LMX1A: variants seen among roughly 807,000 people sequenced by gnomAD.
LMX1A encodes LIM homeobox transcription factor 1-alpha.
In LMX1A, 15 loss-of-function variants were observed where a neutral mutation model predicts 49.1. The ratio of observed to expected loss-of-function variants is 0.31; its 90% CI spans 0.20 to 0.47. LMX1A has a LOEUF of 0.47. Ranked by LOEUF, LMX1A falls within the 20% of genes least tolerant of loss-of-function variation. The pLI is 1.00. For missense variants in LMX1A, 372 were observed against 475.8 expected, an observed-to-expected ratio of 0.78 and a Z score of 2.03; for synonymous variants, 167 against 185.7, an observed-to-expected ratio of 0.90 and a Z score of 0.82.
chr1:165,206,153 G>A, intron 7 of LMX1A, 119 bp from the exon 8 acceptor site: 1 of 904,256 alleles, frequency 1.1e-6, no homozygotes, highest in Non-Finnish European at 1.6e-6. Flanking sequence ...AGTGGTCCCA[G>A]CCTTTGTCCT....
chr1:165,225,889 C>A (rs1467673767), intron 4 of LMX1A, among the ~76,000 whole-genome samples: 1 of 152,246 alleles, frequency 6.6e-6, no homozygotes, highest in East Asian at 1.9e-4. Flanking sequence ...TGGGTAAGAG[C>A]TTCTGAAGAG....
At chr1:165,232,141 A>T (rs989654797) in intron 4 of LMX1A, among the ~76,000 whole-genome samples, 2 of 152,198 alleles carry the variant, frequency 1.3e-5, no homozygotes, top group African/African-American at 2.4e-5. Flanking sequence ...CAGAGCAGGG[A>T]AGGCTGCGGA....
intron 3 of LMX1A, among the ~76,000 whole-genome samples, chr1:165,346,902 T>C (rs1199458239): frequency 5.3e-5 from 8 of 152,206 alleles, no homozygotes; most frequent in East Asian, 1.9e-4. Flanking sequence ...TGGTTAAAAA[T>C]ATAGACAGAT....
At chr1:165,238,721 C>G (rs907224611) in intron 4 of LMX1A, among the ~76,000 whole-genome samples, 7 of 152,200 alleles carry the variant, frequency 4.6e-5, no homozygotes, top group Non-Finnish European at 8.8e-5. Context: ...ACTGCCATAG[C>G]CAGCCAGAAA....
At chr1:165,278,941 A>T (rs1168827176) in intron 3 of LMX1A, among the ~76,000 whole-genome samples, 1 of 151,898 alleles carries the variant, frequency 6.6e-6, no homozygotes, top group Non-Finnish European at 1.5e-5. Flanking sequence ...ATTATACAAC[A>T]CCCTGAGGGA....
intron 4 of LMX1A, among the ~76,000 whole-genome samples, chr1:165,246,308 C>T (rs757029478): frequency 6.6e-6 from 1 of 152,174 alleles, no homozygotes; most frequent in African/African-American, 2.4e-5. Flanking sequence ...TGATACAAGA[C>T]AGGCAGCATT....
intron 6 of LMX1A, among the ~76,000 whole-genome samples, chr1:165,209,585 G>C (rs994799655): frequency 1.3e-5 from 2 of 152,190 alleles, no homozygotes; most frequent in African/African-American, 4.8e-5. Flanking sequence ...AAAGGATGGG[G>C]ATAGAGAGCT....
At chr1:165,285,009 T>C (rs1654264972) in intron 3 of LMX1A, among the ~76,000 whole-genome samples, 1 of 152,250 alleles carries the variant, frequency 6.6e-6, no homozygotes, top group African/African-American at 2.4e-5. Context: ...CTATGCCAGA[T>C]GGGAAGTGAT....
chr1:165,218,662 G>A (rs1198810890), intron 4 of LMX1A: 1 of 152,210 alleles, frequency 6.6e-6, no homozygotes, highest in Non-Finnish European at 1.5e-5. Flanking sequence ...AATTTACACT[G>A]ATCGATTTGT....
At chr1:165,217,009 T>C (rs747415588) in intron 4 of LMX1A, among the ~76,000 whole-genome samples, 2 of 152,218 alleles carry the variant, frequency 1.3e-5, no homozygotes, top group African/African-American at 2.4e-5. Context: ...ATAATAATCA[T>C]TATTATTTCA....
At chr1:165,230,857 G>A (rs966417503) in intron 4 of LMX1A, among the ~76,000 whole-genome samples, 2 of 152,244 alleles carry the variant, frequency 1.3e-5, no homozygotes, top group East Asian at 3.9e-4. Flanking sequence ...TGTCACAGGT[G>A]GCGAGAGGAG....
intron 3 of LMX1A, among the ~76,000 whole-genome samples, chr1:165,254,979 C>T (rs573176777): frequency 1.3e-5 from 2 of 152,324 alleles, no homozygotes; most frequent in South Asian, 4.1e-4. Context: ...GTATCTACCT[C>T]CTGGAAAAGC....
intron 3 of LMX1A, among the ~76,000 whole-genome samples, chr1:165,334,438 C>T (rs981216234): frequency 6.6e-6 from 1 of 152,086 alleles, no homozygotes; most frequent in African/African-American, 2.4e-5. Context: ...AAACTCAAAA[C>T]ATTCCTTTGA....
At chr1:165,312,094 CTTTGTTTTCA>C (rs1655094560) in intron 3 of LMX1A, among the ~76,000 whole-genome samples, 1 of 152,178 alleles carries the variant, frequency 6.6e-6, no homozygotes, top group Non-Finnish European at 1.5e-5. Context: ...GGATGTTTTC[CTTTGTTTTCA>C]AATGCCTGGA....
chr1:165,323,240 C>T (rs959164871), intron 3 of LMX1A, among the ~76,000 whole-genome samples: 11 of 152,266 alleles, frequency 7.2e-5, no homozygotes, highest in Middle Eastern at 3.4e-3. Flanking sequence ...GCCCAGCCCA[C>T]TATACAGGTC....
chr1:165,336,686 CAG>C (rs550155531), intron 3 of LMX1A, among the ~76,000 whole-genome samples: 1 of 152,292 alleles, frequency 6.6e-6, no homozygotes, highest in South Asian at 2.1e-4. Context: ...ACACCCAGCT[CAG>C]GGGGAATATC....
chr1:165,328,919 G>A (rs1369277717), intron 3 of LMX1A, among the ~76,000 whole-genome samples: 1 of 152,214 alleles, frequency 6.6e-6, no homozygotes. Context: ...GCTCATTGTG[G>A]TATCAATGTG....
chr1:165,295,586 G>C (rs1408877432), intron 3 of LMX1A, among the ~76,000 whole-genome samples: 1 of 151,892 alleles, frequency 6.6e-6, no homozygotes. Flanking sequence ...AGGCATCTGT[G>C]TCAAAGCCAC....
intron 4 of LMX1A, among the ~76,000 whole-genome samples, chr1:165,245,007 T>C (rs1007415303): frequency 6.6e-6 from 1 of 152,150 alleles, no homozygotes; most frequent in Admixed American, 6.6e-5. Context: ...TGTCCTGAGT[T>C]TGGTATCCCA....
Sources: gnomAD v4.1 joint callset for allele counts (sites outside exome capture counted in the v4.1 genomes callset) on GRCh38, gnomAD v4.1.1 for gene constraint, MANE v1.5 for transcripts, NCBI Gene and HGNC (gene_info 2026-07-23, HGNC 2026-07-21) for gene names.